LRRC41: variants seen among roughly 807,000 people sequenced by gnomAD.
LRRC41 encodes the protein leucine-rich repeat-containing protein 41.
In LRRC41, 17 loss-of-function variants were observed where a neutral mutation model predicts 72.1. The observed-to-expected ratio is 0.24, with a 90% CI of 0.16 to 0.35. The LOEUF (loss-of-function observed/expected upper bound fraction) is 0.35, where lower values mean the gene tolerates loss of function less well. Among genes scored for constraint, LRRC41 ranks in the 10% least tolerant of loss-of-function variants. The pLI is 1.00. For synonymous variants in LRRC41, 427 were observed against 431.0 expected, an observed-to-expected ratio of 0.99 and a Z score of 0.11; for missense variants, 759 against 1,065.0, an observed-to-expected ratio of 0.71 and a Z score of 4.00.
rs2148307801 is a variant in LRRC41, at chr1:46,277,851, A to G, written c.*1014T>C. On this transcript the variant is annotated 3_prime_UTR_variant, in exon 10 of 10. Coordinates refer to ENST00000617190, the MANE Select transcript of LRRC41 (RefSeq NM_006369.5). Reference sequence around the variant, plus strand: ...ATTGAGGAGAAGATCTTCCAGCGTCAGAGCCACAAGAAGGCACTGAGCAGC... The same window carrying G: ...ATTGAGGAGAAGATCTTCCAGCGTCGGAGCCACAAGAAGGCACTGAGCAGC... 1 of 1,613,030 alleles carries G rather than the reference A, an allele frequency of 6.2e-7. No homozygotes were observed. Among genetic ancestry groups the G allele is most frequent in the East Asian group, 2.2e-5 (1 of 44,882 alleles).
At chr1:46,283,953 T>C (rs1000657406) in intron 4 of LRRC41, among the ~76,000 whole-genome samples, 1 of 152,134 alleles carries the variant, frequency 6.6e-6, no homozygotes, top group African/African-American at 2.4e-5. Context: ...CGTGAGCCAC[T>C]GCGCCCGGCC....
At position 46,281,972 on chromosome 1, in the gene LRRC41, G is replaced by A. The variant is rs372319020; in HGVS notation, c.1496-587C>T. Among the ~76,000 whole-genome samples the A allele has an allele frequency of 5.8e-4, 89 of 152,208 alleles. 1 individual carries two copies. In the South Asian group the frequency reaches 0.014, roughly 24 times the overall value. ...CACATGCCTGTAGTCCCAGCTACTC[G>A]GGAGGCTGAGGCAGGAGAATCACTT... On this transcript the variant is annotated intron_variant, in intron 4 of 9. Coordinates refer to ENST00000617190, the MANE Select transcript of LRRC41 (RefSeq NM_006369.5).
intron 3 of LRRC41, among the ~76,000 whole-genome samples, chr1:46,288,210 G>A (rs1429888711): frequency 6.6e-6 from 1 of 151,960 alleles, no homozygotes; most frequent in Admixed American, 6.6e-5. Context: ...GATCCAGAAG[G>A]GCACACCAAG....
rs1484802208 is a variant in LRRC41 at position 46,298,269 on chromosome 1, C to T, written c.286+15G>A. 6.5e-7 allele frequency: 1 copy of T among 1,527,342 alleles called. No individual in the cohort carries two copies. 94.6% of individuals were successfully genotyped at this position (1,527,342 alleles called of 1,614,324 possible). A position where few individuals can be genotyped will look rare whatever the true frequency, so the allele number is the denominator to read the frequency against. Reference sequence around the variant, plus strand: ...TCATAATCATTGACTGAGAAAGAGACAGAAAGATACTCACCTTTCTTGAGG... The same window carrying T: ...TCATAATCATTGACTGAGAAAGAGATAGAAAGATACTCACCTTTCTTGAGG... On this transcript the variant is annotated intron_variant, in intron 2 of 9. Coordinates refer to ENST00000617190, the MANE Select transcript of LRRC41 (RefSeq NM_006369.5).
chr1:46,302,791 G>T lies in LRRC41; in HGVS notation c.199+333C>A. 1.0e-6 allele frequency: 1 copy of T among 985,140 alleles called. No individual in the cohort carries two copies. Among genetic ancestry groups the T allele is most frequent in the Non-Finnish European group, 1.2e-6 (1 of 829,850 alleles). The allele number at this position is 985,140 out of a possible 1,614,324, so 61.0% of individuals were successfully genotyped here. ...TTCGACATCCGAGACTCTCCTGCCC[G>T]GCCCAGCCGAGTGTCAGTTCGCGCG... On this transcript the variant is annotated intron_variant, in intron 1 of 9. Transcript: ENST00000617190. The surrounding 1 kb of genome is among the most constrained non-coding windows in gnomAD (Gnocchi z 4.7).
At position 46,302,492 on chromosome 1, in the gene LRRC41, C is replaced by A. The variant is rs982243506; in HGVS notation, c.199+632G>T. 6 of 985,230 alleles carry A rather than the reference C, an allele frequency of 6.1e-6. No homozygotes were observed. The African/African-American group carries it at 1.0e-4, about 17-fold the overall frequency. 61.0% of individuals were successfully genotyped at this position (985,230 alleles called of 1,614,324 possible). ...ACCCCGGTTGTCGGTTCGCTCCCGT[C>A]AGCCCTGGGCCGTCAGACAGGCCGC... On this transcript the variant is annotated intron_variant, in intron 1 of 9. Transcript: ENST00000617190. This position sits in a 1 kb window ranked among gnomAD's most constrained non-coding sequence, Gnocchi z 4.7.
At position 46,278,153 on chromosome 1, in the gene LRRC41, GTGGA is replaced by G; in HGVS notation, c.*708_*711del. The G allele has an allele frequency of 6.2e-7, 1 of 1,613,816 alleles. No individual in the cohort carries two copies. Among genetic ancestry groups the G allele is most frequent in the Non-Finnish European group, 8.5e-7 (1 of 1,179,862 alleles). On this transcript the variant is annotated 3_prime_UTR_variant, in exon 10 of 10. Coordinates refer to ENST00000617190, the MANE Select transcript of LRRC41 (RefSeq NM_006369.5). ...CTGACTGCACTTCAGACCTGGCAGGGTGGAACCACTGCACTGATAAGTGGGGGCT... is the reference window on the plus strand; with the variant it reads ...CTGACTGCACTTCAGACCTGGCAGGGACCACTGCACTGATAAGTGGGGGCT...
In LRRC41 at chr1:46,303,225, G is replaced by A. The variant is rs750050817; in HGVS notation, c.98C>T (p.Ala33Val). 128 of 1,560,430 alleles carry A rather than the reference G, an allele frequency of 8.2e-5. No individual in the cohort carries two copies. Among genetic ancestry groups the A allele is most frequent in the Middle Eastern group, 1.7e-4 (1 of 5,972 alleles). ...MEATSREAAPAKSSASGPNAP... is the reference protein window; with the variant it reads ...MEATSREAAPVKSSASGPNAP... ...GTTGGGGCCCGAGGCCGAGCTCTTCGCTGGCGCCGCCTCCCGGGACGTGGC... is the reference window on the plus strand; with the variant it reads ...GTTGGGGCCCGAGGCCGAGCTCTTCACTGGCGCCGCCTCCCGGGACGTGGC... The change falls in exon 1 of 10, where the codon GCG (alanine) becomes GTG (valine). Residue 33 changes from alanine (A) to valine (V), a missense_variant. Physicochemically the swap from Ala to Val is moderately conservative, Grantham distance 64. Transcript: ENST00000617190.
Position 46,277,755 on chromosome 1 carries a change from C to T in LRRC41, c.*1110G>A. On this transcript the variant is annotated 3_prime_UTR_variant, in exon 10 of 10. Coordinates refer to ENST00000617190, the MANE Select transcript of LRRC41 (RefSeq NM_006369.5). ...GTTTCAACCCTTTGGTTTTCCTGCT[C>T]CCTTTTTATGAGGATGGCTAAGCGC... is the stretch of plus-strand genomic sequence containing the variant. The T allele has an allele frequency of 6.5e-7, 1 of 1,530,490 alleles. No individual in the cohort carries two copies. The highest frequency in any genetic ancestry group is 1.1e-5 in the South Asian group (1 of 89,174). 94.8% of individuals were successfully genotyped at this position (1,530,490 alleles called of 1,614,324 possible).
At chr1:46,287,624 C>G (rs1345259891) in intron 3 of LRRC41, among the ~76,000 whole-genome samples, 1 of 152,218 alleles carries the variant, frequency 6.6e-6, no homozygotes, top group Non-Finnish European at 1.5e-5. Context: ...TCTAGCCAAG[C>G]TGGTCACCCC....
chr1:46,285,465 G>A lies in LRRC41; in HGVS notation c.1392C>T (p.Thr464=). 1.2e-6 allele frequency: 2 copies of A among 1,614,160 alleles called. No individual in the cohort carries two copies. The highest frequency in any genetic ancestry group is 8.5e-7 in the Non-Finnish European group (1 of 1,180,028). The part of the protein sequence containing the change: ...EASQRFRSIS[T]LELFTVPLST... ...AGAGTGGAACTGTGAATAGCTCCAA[G>A]GTGGAGATGCTGCGGAATCTTTGTG... The change falls in exon 4 of 10, where the codon ACC becomes ACT. Residue 464 remains threonine (T), a synonymous_variant. Coordinates refer to ENST00000617190, the MANE Select transcript of LRRC41 (RefSeq NM_006369.5). The surrounding 1 kb of genome is among the most constrained non-coding windows in gnomAD (Gnocchi z 5.3).
In LRRC41 at chr1:46,293,437, G is replaced by A. The variant is rs375883386; in HGVS notation, c.357+4126C>T. ...GTATTTTTTGTAGAGACAAGGTGTCGTCATGTTGCCCAGGCTGTTCTTGAA... is the reference window on the plus strand; with the variant it reads ...GTATTTTTTGTAGAGACAAGGTGTCATCATGTTGCCCAGGCTGTTCTTGAA... On this transcript the variant is annotated intron_variant, in intron 3 of 9. Coordinates refer to ENST00000617190, the MANE Select transcript of LRRC41 (RefSeq NM_006369.5). Among the ~76,000 whole-genome samples, 269 of 152,060 alleles carry A rather than the reference G, an allele frequency of 1.8e-3. 3 individuals are homozygous for A. The highest frequency in any genetic ancestry group is 5.8e-3 in the African/African-American group (240 of 41,488).
intron 5 of LRRC41, 138 bp downstream of exon 5, chr1:46,280,987 A>C (rs533002373): frequency 1.6e-6 from 2 of 1,220,412 alleles, no homozygotes; most frequent in East Asian, 5.0e-5. Flanking sequence ...GGTAGGCTCT[A>C]AAGGGGGGAT....
chr1:46,281,009 A>G, intron 5 of LRRC41, 116 bp downstream of exon 5: 1 of 1,405,896 alleles, frequency 7.1e-7, no homozygotes, highest in East Asian at 2.3e-5. Flanking sequence ...GGTTCCAGAT[A>G]AGCCAGGAAT....
intron 3 of LRRC41, among the ~76,000 whole-genome samples, chr1:46,292,667 C>G (rs1248773014): frequency 6.6e-6 from 1 of 152,204 alleles, no homozygotes; most frequent in Admixed American, 6.5e-5. Context: ...CAAATCCTTA[C>G]TCATTTTATT....
rs1660877698 is a variant in LRRC41 at position 46,285,969 on chromosome 1, T to C, written c.888A>G (p.Arg296=). The C allele has an allele frequency of 1.3e-6, 2 of 1,541,018 alleles. No homozygotes were observed. Among genetic ancestry groups the C allele is most frequent in the South Asian group, 1.3e-5 (1 of 79,946 alleles). Residue 296 remains arginine, a synonymous_variant, in exon 4 of 10, where the codon CGA becomes CGG. Coordinates refer to ENST00000617190, the MANE Select transcript of LRRC41 (RefSeq NM_006369.5). This position sits in a 1 kb window ranked among gnomAD's most constrained non-coding sequence, Gnocchi z 5.3. The part of the protein sequence containing the change: ...SRRPRRDAAE[R]CAAALMASRR... The stretch of plus-strand genomic sequence containing the variant: ...GGCTGGCCATCAGGGCTGCAGCACA[T>C]CGCTCAGCAGCATCCCGGCGGGGCC...
At position 46,277,827 on chromosome 1, in the gene LRRC41, T is replaced by G; in HGVS notation, c.*1038A>C. The G allele has an allele frequency of 2.5e-6, 4 of 1,605,912 alleles. No homozygotes were observed. The highest frequency in any genetic ancestry group is 3.4e-6 in the Non-Finnish European group (4 of 1,172,798). Reference sequence around the variant, plus strand: ...CCTCCTCTTCCCCAGGCAGGGACCATTGAGGAGAAGATCTTCCAGCGTCAG... The same window carrying G: ...CCTCCTCTTCCCCAGGCAGGGACCAGTGAGGAGAAGATCTTCCAGCGTCAG... On this transcript the variant is annotated 3_prime_UTR_variant, in exon 10 of 10. Transcript: ENST00000617190.
intron 3 of LRRC41, among the ~76,000 whole-genome samples, chr1:46,290,538 T>G (rs1195633397): frequency 6.6e-6 from 1 of 152,212 alleles, no homozygotes; most frequent in Non-Finnish European, 1.5e-5. Flanking sequence ...ATTCAAATAT[T>G]TTTAGAATAT....
chr1:46,303,063 C>A (rs1334020518), intron 1 of LRRC41, 61 bp downstream of exon 1: 2 of 1,342,610 alleles, frequency 1.5e-6, no homozygotes, highest in Non-Finnish European at 1.9e-6. Flanking sequence ...CCCCCGCGCC[C>A]CCCGGCCGCT....
Sources: gnomAD v4.1 joint callset for allele counts (sites outside exome capture counted in the v4.1 genomes callset) on GRCh38, gnomAD v4.1.1 for gene constraint, Gnocchi (gnomAD v3.1) non-coding constraint, MANE v1.5 for transcripts, NCBI Gene and HGNC (gene_info 2026-07-23, HGNC 2026-07-21) for gene names.